Variants in MACROD2 observed in about 807,000 individuals in gnomAD.
The protein encoded by MACROD2 is mono-ADP ribosylhydrolase 2.
MACROD2 carries 36 observed loss-of-function variants against 70.4 expected under a neutral mutation model. The observed-to-expected ratio is 0.51, with a 90% CI of 0.39 to 0.68. The LOEUF is 0.68. Among genes scored for constraint, MACROD2 ranks in the 30% least tolerant of loss-of-function variants. The pLI, the probability that MACROD2 is intolerant of heterozygous loss-of-function variation, is 0.00. For synonymous variants in MACROD2, 172 were observed against 178.8 expected (o/e 0.96, Z 0.30); for missense variants, 496 against 538.4 (o/e 0.92, Z 0.78).
At chr20:15,944,831 T>A (rs1340409443) in intron 12 of MACROD2, among the ~76,000 whole-genome samples, 1 of 152,204 alleles carries the variant, frequency 6.6e-6, no homozygotes, top group Non-Finnish European at 1.5e-5. Flanking sequence ...ACTACCATTC[T>A]CATTTTGGAG....
At chr20:14,049,901 C>T (rs1301309591) in intron 2 of MACROD2, among the ~76,000 whole-genome samples, 1 of 151,878 alleles carries the variant, frequency 6.6e-6, no homozygotes, top group Non-Finnish European at 1.5e-5. Context: ...CTGGCCAACA[C>T]TGCAAAACTC....
chr20:15,894,020 C>T (rs2064930952), intron 10 of MACROD2: 1 of 434,406 alleles, frequency 2.3e-6, no homozygotes, highest in African/African-American at 2.0e-5. Context: ...CATGCTCAGT[C>T]ACTGGCTGCA....
intron 3 of MACROD2, among the ~76,000 whole-genome samples, chr20:14,353,156 T>A (rs2083140496): frequency 6.6e-6 from 1 of 152,186 alleles, no homozygotes. Context: ...TGTATGGTCC[T>A]CCACATAGTC....
At chr20:15,517,268 C>T (rs1268514808) in intron 8 of MACROD2, among the ~76,000 whole-genome samples, 1 of 152,066 alleles carries the variant, frequency 6.6e-6, no homozygotes, top group East Asian at 1.9e-4. Context: ...TTGCAGGTCC[C>T]CCCACTTATA....
At chr20:14,130,233 A>G (rs2054700130) in intron 3 of MACROD2, among the ~76,000 whole-genome samples, 1 of 152,188 alleles carries the variant, frequency 6.6e-6, no homozygotes, top group Admixed American at 6.5e-5. Context: ...AAAATGTTGG[A>G]CATTTTTTGT....
At chr20:15,114,160 G>A (rs935159520) in intron 5 of MACROD2, among the ~76,000 whole-genome samples, 12 of 152,156 alleles carry the variant, frequency 7.9e-5, no homozygotes, top group Non-Finnish European at 8.8e-5. Context: ...GGGGTTAGCT[G>A]TCCTGCATCA....
intron 4 of MACROD2, among the ~76,000 whole-genome samples, chr20:14,526,829 T>C (rs1471296305): frequency 4.6e-5 from 7 of 152,016 alleles, no homozygotes; most frequent in African/African-American, 1.7e-4. Context: ...CCCAGTGGGC[T>C]GAAGCCCCAG....
At chr20:15,946,819 G>A (rs866213288) in intron 12 of MACROD2, among the ~76,000 whole-genome samples, 2 of 152,130 alleles carry the variant, frequency 1.3e-5, no homozygotes, top group Non-Finnish European at 2.9e-5. Context: ...CACAGGCACC[G>A]GTCTCTGAGT....
At chr20:15,969,304 C>G (rs1023169511) in intron 13 of MACROD2, among the ~76,000 whole-genome samples, 1 of 151,720 alleles carries the variant, frequency 6.6e-6, no homozygotes, top group Non-Finnish European at 1.5e-5. Flanking sequence ...TAATGTCCAG[C>G]ACACACATAA....
At chr20:14,760,441 GTTC>G (rs1356277745) in intron 5 of MACROD2, among the ~76,000 whole-genome samples, 1 of 152,038 alleles carries the variant, frequency 6.6e-6, no homozygotes, top group Admixed American at 6.6e-5. Context: ...ATTAATTTTA[GTTC>G]TTATTATTTT....
intron 3 of MACROD2, among the ~76,000 whole-genome samples, chr20:14,398,669 T>C (rs1472849574): frequency 6.6e-6 from 1 of 152,176 alleles, no homozygotes; most frequent in South Asian, 2.1e-4. Flanking sequence ...TATTAGTTCC[T>C]TCTTGGATGA....
intron 6 of MACROD2, among the ~76,000 whole-genome samples, chr20:15,275,622 A>G (rs189586212): frequency 3.2e-4 from 48 of 152,336 alleles, no homozygotes; most frequent in African/African-American, 1.0e-3. Context: ...TCAAGACTGT[A>G]ATTTCTAGGT....
At chr20:14,217,642 CT>C (rs1405621835) in intron 3 of MACROD2, among the ~76,000 whole-genome samples, 7 of 151,822 alleles carry the variant, frequency 4.6e-5, no homozygotes, top group Non-Finnish European at 1.0e-4. Flanking sequence ...TGGTCCTGAA[CT>C]TTTTTTTGTT....
chr20:14,652,738 T>C (rs1985741286), intron 4 of MACROD2, among the ~76,000 whole-genome samples: 1 of 152,148 alleles, frequency 6.6e-6, no homozygotes, highest in Non-Finnish European at 1.5e-5. Context: ...TTAAGGAAAA[T>C]AGATCTTTTC....
At chr20:15,179,114 G>A (rs1252930091) in intron 5 of MACROD2, among the ~76,000 whole-genome samples, 1 of 152,124 alleles carries the variant, frequency 6.6e-6, no homozygotes, top group Non-Finnish European at 1.5e-5. Context: ...CCAGAATAGT[G>A]ATTAGTTACC....
intron 5 of MACROD2, among the ~76,000 whole-genome samples, chr20:14,876,394 A>C (rs1600756701): frequency 6.6e-6 from 1 of 152,088 alleles, no homozygotes; most frequent in Non-Finnish European, 1.5e-5. Flanking sequence ...TACTTTGTGA[A>C]TATTTTCTCC....
At chr20:15,780,300 CT>C (rs1420696504) in intron 8 of MACROD2, among the ~76,000 whole-genome samples, 2 of 152,032 alleles carry the variant, frequency 1.3e-5, no homozygotes, top group African/African-American at 4.8e-5. Context: ...AGAGAATAGA[CT>C]AAGAATGGCT....
At chr20:14,969,295 C>T (rs1026313085) in intron 5 of MACROD2, among the ~76,000 whole-genome samples, 11 of 149,424 alleles carry the variant, frequency 7.4e-5, no homozygotes, top group Admixed American at 2.0e-4. Context: ...CTATATCTTA[C>T]GATTATTTTT....
chr20:15,427,148 T>C (rs1413269489), intron 6 of MACROD2, among the ~76,000 whole-genome samples: 1 of 152,230 alleles, frequency 6.6e-6, no homozygotes, highest in Non-Finnish European at 1.5e-5. Flanking sequence ...ATCTCTGCTT[T>C]ATCATTGCCT....
Sources: allele counts gnomAD v4.1 joint callset (sites outside exome capture counted in the v4.1 genomes callset), GRCh38; gene constraint gnomAD v4.1.1; transcripts MANE v1.5; gene names NCBI Gene and HGNC (gene_info 2026-07-23, HGNC 2026-07-21).